The following SFT2D2 variants were observed in gnomAD, a reference collection of about 807,000 sequenced individuals.
The protein encoded by SFT2D2 is SFT2 domain containing 2.
Under a neutral mutation model 27.4 loss-of-function variants are expected in SFT2D2, and 21 were observed. The observed-to-expected ratio is 0.77, with a 90% CI of 0.54 to 1.10. The LOEUF (loss-of-function observed/expected upper bound fraction) is 1.10. Ranked by LOEUF, SFT2D2 falls within the 50% of genes least tolerant of loss-of-function variation. The probability of loss-of-function intolerance (pLI) is 0.00; values close to 1 mark genes in which losing one functional copy is unlikely to be tolerated. For synonymous variants in SFT2D2, 72 were observed against 71.7 expected (o/e 1.00, Z -0.02); for missense variants, 187 against 194.2 (o/e 0.96, Z 0.22).
At chr1:168,235,252 T>G in intron 4 of SFT2D2, 70 bp downstream of exon 4, 2 of 1,453,896 alleles carry the variant, frequency 1.4e-6, no homozygotes, top group Non-Finnish European at 1.9e-6. Context: ...ATGTTTTTCT[T>G]TTTAAATCTA....
chr1:168,239,165 G>GA lies in SFT2D2; in HGVS notation c.443+6dup. 1 of 1,599,142 alleles carries GA rather than the reference G, an allele frequency of 6.3e-7. No homozygotes were observed. Among genetic ancestry groups the GA allele is most frequent in the East Asian group, 2.2e-5 (1 of 44,824 alleles). ...TTCCTTCATACCATTTGCAAGGTAA[G>GA]ACTGTGTATTTGGAAATAATGATTT... On this transcript the variant is annotated splice_donor_region_variant and intron_variant, in intron 7 of 7. Coordinates refer to ENST00000271375, the MANE Select transcript of SFT2D2 (RefSeq NM_199344.3).
At position 168,234,133 on chromosome 1, in the gene SFT2D2, C is replaced by T. The variant is rs1008105549; in HGVS notation, c.237-968C>T. ...ATGCTGGGGGCCAGGCGCAGTGGCT[C>T]ACGCCTATAATTCCAGCACTTTGGG... is the stretch of plus-strand genomic sequence containing the variant. On this transcript the variant is annotated intron_variant, in intron 3 of 7. Coordinates refer to ENST00000271375, the MANE Select transcript of SFT2D2 (RefSeq NM_199344.3). Among the ~76,000 whole-genome samples, 68 of 152,130 alleles carry T rather than the reference C, an allele frequency of 4.5e-4. 2 individuals are homozygous for T. Among genetic ancestry groups the T allele is most frequent in the African/African-American group, 1.6e-3 (68 of 41,426 alleles).
Position 168,245,014 on chromosome 1 carries a change from T to C in SFT2D2, c.*2474T>C, listed in dbSNP as rs1647771596. On this transcript the variant is annotated 3_prime_UTR_variant, in exon 8 of 8. Coordinates refer to ENST00000271375, the MANE Select transcript of SFT2D2 (RefSeq NM_199344.3). Reference sequence around the variant, plus strand: ...AAAGGCTGAATGTTTTCCCCTAAGATTGAGAATAAGACAGAGATGTCAACT... The same window carrying C: ...AAAGGCTGAATGTTTTCCCCTAAGACTGAGAATAAGACAGAGATGTCAACT... 2 of 152,176 alleles carry C rather than the reference T, an allele frequency of 1.3e-5. No individual in the cohort carries two copies. The highest frequency in any genetic ancestry group is 2.9e-5 in the Non-Finnish European group (2 of 68,024). The allele number at this position is 152,176 out of a possible 1,614,324, so 9.4% of individuals were successfully genotyped here.
Position 168,252,622 on chromosome 1 carries a change from G to C in SFT2D2, c.*10082G>C, listed in dbSNP as rs1051165700. On this transcript the variant is annotated 3_prime_UTR_variant, in exon 8 of 8. Coordinates refer to ENST00000271375, the MANE Select transcript of SFT2D2 (RefSeq NM_199344.3). ...AAAAAAAAATAGCCCTCTGAACTCT[G>C]ATCTTTTGCCGCTTCTGTAGATTTT... The C allele has an allele frequency of 6.6e-6, 1 of 152,122 alleles. No homozygotes were observed. Among genetic ancestry groups the C allele is most frequent in the Non-Finnish European group, 1.5e-5 (1 of 68,028 alleles). 9.4% of individuals were successfully genotyped at this position (152,122 alleles called of 1,614,324 possible).
intron 7 of SFT2D2, among the ~76,000 whole-genome samples, chr1:168,242,211 A>G (rs762881305): frequency 6.6e-6 from 1 of 152,190 alleles, no homozygotes; most frequent in Non-Finnish European, 1.5e-5. Context: ...TTAGTTTCTG[A>G]CAGTCTATGT....
At chr1:168,232,170 T>G (rs1235641183) in intron 3 of SFT2D2, among the ~76,000 whole-genome samples, 1 of 152,202 alleles carries the variant, frequency 6.6e-6, no homozygotes, top group Non-Finnish European at 1.5e-5. Context: ...CACAAAGCAG[T>G]TCAGTGATTT....
At chr1:168,242,359 T>G (rs370149019) in intron 7 of SFT2D2, 142 bp from the exon 8 acceptor site, 27 of 856,778 alleles carry the variant, frequency 3.2e-5, no homozygotes, top group Middle Eastern at 2.4e-4. Flanking sequence ...TAATAAATGT[T>G]GAAGCTGCAG....
chr1:168,234,890 T>C (rs1296472880), intron 3 of SFT2D2, among the ~76,000 whole-genome samples: 1 of 152,238 alleles, frequency 6.6e-6, no homozygotes, highest in African/African-American at 2.4e-5. Flanking sequence ...AAAGTAACTC[T>C]GTGGGCTTTG....
In SFT2D2 at chr1:168,231,610, C is replaced by A. The variant is rs201265817; in HGVS notation, c.150+10C>A. 1 of 1,612,304 alleles carries A rather than the reference C, an allele frequency of 6.2e-7. No individual in the cohort carries two copies. Among genetic ancestry groups the A allele is most frequent in the Non-Finnish European group, 8.5e-7 (1 of 1,178,472 alleles). On this transcript the variant is annotated intron_variant, in intron 2 of 7. Transcript: ENST00000271375. ...TCTCTGCTCACTGCTGGTAAGATTT[C>A]CCTTCCTCCTCTGTCTTTTCCTTCT...
chr1:168,251,042 A>G lies in SFT2D2; in HGVS notation c.*8502A>G, dbSNP rs571019845. ...CTTTTGGCTGGGTGCAGTGGCTCAC[A>G]CCTGTAATCTGAGCACTTTGGGAGG... is the stretch of plus-strand genomic sequence containing the variant. On this transcript the variant is annotated 3_prime_UTR_variant, in exon 8 of 8. Coordinates refer to ENST00000271375, the MANE Select transcript of SFT2D2 (RefSeq NM_199344.3). The G allele has an allele frequency of 6.6e-6, 1 of 152,290 alleles. No homozygotes were observed. Among genetic ancestry groups the G allele is most frequent in the South Asian group, 2.1e-4 (1 of 4,810 alleles). The allele number at this position is 152,290 out of a possible 1,614,324, so 9.4% of individuals were successfully genotyped here. A position where few individuals can be genotyped will look rare whatever the true frequency, so the allele number is the denominator to read the frequency against.
In SFT2D2 at chr1:168,248,676, T is replaced by C. The variant is rs1647881310; in HGVS notation, c.*6136T>C. On this transcript the variant is annotated 3_prime_UTR_variant, in exon 8 of 8. Transcript: ENST00000271375. Reference sequence around the variant, plus strand: ...TCAGAAGGAATGGTACCAGCTCCCTTTTGTACCTCTGGTAGAATTCGGCTG... The same window carrying C: ...TCAGAAGGAATGGTACCAGCTCCCTCTTGTACCTCTGGTAGAATTCGGCTG... The C allele has an allele frequency of 6.6e-6, 1 of 152,216 alleles. No individual in the cohort carries two copies. The highest frequency in any genetic ancestry group is 2.4e-5 in the African/African-American group (1 of 41,448). The allele number at this position is 152,216 out of a possible 1,614,324, so 9.4% of individuals were successfully genotyped here.
Position 168,235,872 on chromosome 1 carries a change from T to C in SFT2D2, c.318+690T>C, listed in dbSNP as rs983718901. 2.6e-5 allele frequency among the ~76,000 whole-genome samples: 4 copies of C among 152,378 alleles called. No homozygotes were observed. The East Asian group carries it at 7.7e-4, about 29-fold the overall frequency. On this transcript the variant is annotated intron_variant, in intron 4 of 7. Transcript: ENST00000271375. ...ATACTTTTATTTTTAGTTTCATTTA[T>C]ATAATCTCATTTGTTCAAATAGGTG...
intron 3 of SFT2D2, 91 bp from the exon 4 acceptor site, chr1:168,235,010 A>G (rs769464592): frequency 1.9e-6 from 2 of 1,077,234 alleles, no homozygotes; most frequent in African/African-American, 1.6e-5. Flanking sequence ...AATGTTAGCT[A>G]CTATTGCCAC....
At chr1:168,235,569 G>A (rs890925177) in intron 4 of SFT2D2, among the ~76,000 whole-genome samples, 2 of 152,206 alleles carry the variant, frequency 1.3e-5, no homozygotes, top group African/African-American at 4.8e-5. Context: ...TGGGTGTCCT[G>A]TCTTATAGAA....
chr1:168,236,141 G>A (rs533089848), intron 4 of SFT2D2, among the ~76,000 whole-genome samples: 1 of 152,362 alleles, frequency 6.6e-6, no homozygotes, highest in South Asian at 2.1e-4. Context: ...GAAAGTGTTA[G>A]GTGATAGGTA....
intron 6 of SFT2D2, among the ~76,000 whole-genome samples, chr1:168,237,903 C>T (rs1230800112): frequency 6.7e-6 from 1 of 148,986 alleles, no homozygotes; most frequent in East Asian, 2.0e-4. Flanking sequence ...GAGTGGTAGA[C>T]TGTTTATATT....
Position 168,244,147 on chromosome 1 carries a change from TC to T in SFT2D2, c.*1609del, listed in dbSNP as rs1647732568. The stretch of plus-strand genomic sequence containing the variant: ...TGGCTAATTGCTGAACCTTTCTTTG[TC>T]CTACTGTGGCTAAGAACTCTGACTG... On this transcript the variant is annotated 3_prime_UTR_variant, in exon 8 of 8. Transcript: ENST00000271375. The T allele has an allele frequency of 6.6e-6, 1 of 152,252 alleles. No homozygotes were observed. Among genetic ancestry groups the T allele is most frequent in the Non-Finnish European group, 1.5e-5 (1 of 68,434 alleles). 9.4% of individuals were successfully genotyped at this position (152,252 alleles called of 1,614,324 possible). A position where few individuals can be genotyped will look rare whatever the true frequency, so the allele number is the denominator to read the frequency against.
Position 168,251,558 on chromosome 1 carries a change from A to G in SFT2D2, c.*9018A>G, listed in dbSNP as rs1173140160. On this transcript the variant is annotated 3_prime_UTR_variant, in exon 8 of 8. Transcript: ENST00000271375. ...GCTTTATTTTCTCTTTGCTCAGATAACTTCTGACTAGAGTCGACGGTAGGA... is the reference window on the plus strand; with the variant it reads ...GCTTTATTTTCTCTTTGCTCAGATAGCTTCTGACTAGAGTCGACGGTAGGA... 3 of 152,160 alleles carry G rather than the reference A, an allele frequency of 2.0e-5. No individual in the cohort carries two copies. The highest frequency in any genetic ancestry group is 2.9e-5 in the Non-Finnish European group (2 of 68,026). 9.4% of individuals were successfully genotyped at this position (152,160 alleles called of 1,614,324 possible).
chr1:168,242,317 C>T (rs189179694), intron 7 of SFT2D2, among the ~76,000 whole-genome samples, 184 bp from the exon 8 acceptor site: 113 of 152,278 alleles, frequency 7.4e-4, no homozygotes, highest in African/African-American at 2.5e-3. Flanking sequence ...GAAACTCAAA[C>T]AGGACAAGGA....
Sources: gnomAD v4.1 joint callset for allele counts (sites outside exome capture counted in the v4.1 genomes callset) on GRCh38, gnomAD v4.1.1 for gene constraint, MANE v1.5 for transcripts, NCBI Gene and HGNC (gene_info 2026-07-23, HGNC 2026-07-21) for gene names.